MYH13: variants seen among roughly 807,000 people sequenced by gnomAD.
The protein encoded by MYH13 is myosin-13.
Under a neutral mutation model 232.1 loss-of-function variants are expected in MYH13, and 177 were observed. The observed-to-expected ratio is 0.76, with a 90% CI of 0.67 to 0.86. The LOEUF (loss-of-function observed/expected upper bound fraction) is 0.86, where lower values mean the gene tolerates loss of function less well. Among genes scored for constraint, MYH13 ranks in the 40% least tolerant of loss-of-function variants. MYH13 has a pLI of 0.00. For missense variants in MYH13, 2,246 were observed against 2,405.9 expected, an observed-to-expected ratio of 0.93 and a Z score of 1.39; for synonymous variants, 884 against 923.5, an observed-to-expected ratio of 0.96 and a Z score of 0.78.
intron 14 of MYH13, 35 bp downstream of exon 14, chr17:10,345,432 C>G: frequency 6.2e-7 from 1 of 1,614,150 alleles, no homozygotes; most frequent in Non-Finnish European, 8.5e-7. Flanking sequence ...GGAGATTCAG[C>G]AAAGCAGACA....
intron 35 of MYH13, among the ~76,000 whole-genome samples, chr17:10,308,247 C>T (rs988419749): frequency 6.6e-6 from 1 of 151,012 alleles, no homozygotes; most frequent in Non-Finnish European, 1.5e-5. Context: ...TCGCTTGAAC[C>T]TAGGAGGCAG....
intron 2 of MYH13, among the ~76,000 whole-genome samples, chr17:10,370,434 CT>C (rs1273055512): frequency 6.6e-6 from 1 of 152,244 alleles, no homozygotes; most frequent in African/African-American, 2.4e-5. Flanking sequence ...TAATTAGCCT[CT>C]TCTCTGTTCC....
At chr17:10,310,939 A>AGCTGGGAGTCCTGCAGGGG (rs1906487916) in intron 33 of MYH13, among the ~76,000 whole-genome samples, 164 bp downstream of exon 33, 2 of 152,222 alleles carry the variant, frequency 1.3e-5, no homozygotes, top group South Asian at 4.1e-4. Context: ...CCTAGGAGAT[A>AGCTGGGAGTCCTGCAGGGG]AAGTAGCAGC....
chr17:10,336,921 CT>C (rs34120509), intron 18 of MYH13, among the ~76,000 whole-genome samples: 89,294 of 142,338 alleles, frequency 0.63, 28,081 homozygotes, highest in East Asian at 0.69. Context: ...AGCACTGTGT[CT>C]TTTTTTTTTT....
At chr17:10,323,036 T>C (rs1276274995) in intron 23 of MYH13, among the ~76,000 whole-genome samples, 4 of 152,164 alleles carry the variant, frequency 2.6e-5, no homozygotes, top group Non-Finnish European at 4.4e-5. Context: ...CTCCCTGCTG[T>C]GTTATCTACT....
rs4791401 is a variant in MYH13, at chr17:10,313,193, G to A, written c.4146C>T (p.Asp1382=). The A allele has an allele frequency of 0.39, 623,779 of 1,613,854 alleles. 123,686 individuals are homozygous for A. The highest frequency in any genetic ancestry group is 0.42 in the Admixed American group (25,310 of 59,994). ...CCAGCTCCTCTGTGCGCTGAATGGC[G>A]TCCGTCTCGTATTTGGTCCTCCACT... The part of the protein sequence containing the change: ...VAQWRTKYET[D]AIQRTEELEE... Residue 1382 remains aspartate, a synonymous_variant, in exon 30 of 41, where the codon GAC becomes GAT. Coordinates refer to ENST00000252172, the MANE Select transcript of MYH13 (RefSeq NM_003802.3).
Position 10,312,760 on chromosome 17 carries a change from A to C in MYH13, c.4182-3T>G. The stretch of plus-strand genomic sequence containing the variant: ...GGAGCCTCTGGGCCAGTTTTTTCCT[A>C]CGAAAACCAGATTTTTTTTTTCCCC... On this transcript the variant is annotated splice_region_variant and splice_polypyrimidine_tract_variant and intron_variant, in intron 30 of 40. Transcript: ENST00000252172. The C allele has an allele frequency of 2.1e-5, 34 of 1,592,034 alleles. No individual in the cohort carries two copies. Among genetic ancestry groups the C allele is most frequent in the South Asian group, 2.0e-4 (17 of 85,930 alleles).
At chr17:10,314,409 C>G (rs1160584082) in intron 29 of MYH13, among the ~76,000 whole-genome samples, 1 of 149,704 alleles carries the variant, frequency 6.7e-6, no homozygotes, top group African/African-American at 2.5e-5. Flanking sequence ...GAGTGAAACT[C>G]CATCTCAAAA....
At chr17:10,314,731 G>A (rs1906639735) in intron 29 of MYH13, among the ~76,000 whole-genome samples, 1 of 152,154 alleles carries the variant, frequency 6.6e-6, no homozygotes, top group Admixed American at 6.5e-5. Context: ...CAGTTTTTTG[G>A]ACTCTTAGTC....
chr17:10,351,220 C>CAAAAAAAAAAAAAAAAAAAAAAAAAA (rs761244522), intron 11 of MYH13, among the ~76,000 whole-genome samples: 13 of 72,684 alleles, frequency 1.8e-4, no homozygotes, highest in East Asian at 5.2e-4. Flanking sequence ...GACTCCATCT[C>CAAAAAAAAAAAAAAAAAAAAAAAAAA]AAAAAAAAAA....
chr17:10,335,546 A>G (rs1287796736), intron 18 of MYH13, among the ~76,000 whole-genome samples: 2 of 152,190 alleles, frequency 1.3e-5, no homozygotes, highest in African/African-American at 4.8e-5. Flanking sequence ...TGAGGTCAGG[A>G]GTTCGAGACC....
At chr17:10,345,763 G>A in intron 13 of MYH13, 147 bp from the exon 14 acceptor site, 15 of 1,370,404 alleles carry the variant, frequency 1.1e-5, no homozygotes, top group Non-Finnish European at 1.5e-5. Flanking sequence ...GGGAGGCCAA[G>A]GCGGGCGGAT....
intron 1 of MYH13, among the ~76,000 whole-genome samples, chr17:10,372,554 A>G (rs1000390726): frequency 6.6e-6 from 1 of 152,192 alleles, no homozygotes; most frequent in Non-Finnish European, 1.5e-5. Context: ...TCCTCCCACA[A>G]CCATTTTTCA....
At chr17:10,345,661 T>C (rs1478232414) in intron 13 of MYH13, 45 bp from the exon 14 acceptor site, 1 of 1,613,812 alleles carries the variant, frequency 6.2e-7, no homozygotes. Flanking sequence ...AGTGTTTCTA[T>C]GGCTGCATTA....
intron 7 of MYH13, among the ~76,000 whole-genome samples, chr17:10,358,879 G>A (rs1192056818): frequency 1.3e-5 from 2 of 152,226 alleles, no homozygotes; most frequent in African/African-American, 2.4e-5. Context: ...ATTCTGATGT[G>A]TACTCCAGTT....
intron 21 of MYH13, among the ~76,000 whole-genome samples, chr17:10,328,492 A>T (rs1243433576): frequency 1.3e-5 from 2 of 152,164 alleles, no homozygotes; most frequent in African/African-American, 4.8e-5. Flanking sequence ...TTGATGTATT[A>T]ATCAGCTCTT....
chr17:10,366,351 C>A (rs1008946186), intron 2 of MYH13, among the ~76,000 whole-genome samples: 1 of 150,138 alleles, frequency 6.7e-6, no homozygotes, highest in African/African-American at 2.5e-5. Context: ...CCACACATAT[C>A]TCTCCATATC....
chr17:10,352,685 G>T (rs1219935946), intron 11 of MYH13, among the ~76,000 whole-genome samples: 1 of 152,174 alleles, frequency 6.6e-6, no homozygotes, highest in Non-Finnish European at 1.5e-5. Flanking sequence ...ACATGACTTA[G>T]GTAAGGTGAC....
intron 5 of MYH13, 149 bp downstream of exon 5, chr17:10,361,969 T>A: frequency 9.7e-6 from 14 of 1,450,224 alleles, no homozygotes; most frequent in Non-Finnish European, 1.3e-5. Flanking sequence ...CAATGGAAGA[T>A]GTTGTACCCT....
Sources: gnomAD v4.1 joint callset for allele counts (sites outside exome capture counted in the v4.1 genomes callset) on GRCh38, gnomAD v4.1.1 for gene constraint, MANE v1.5 for transcripts, NCBI Gene and HGNC (gene_info 2026-07-23, HGNC 2026-07-21) for gene names.